The following NSMCE2 variants were observed in gnomAD, a reference collection of about 807,000 sequenced individuals.
NSMCE2 encodes NSE2 SUMO ligase component of SMC5/6 complex.
In NSMCE2, 24 loss-of-function variants were observed where a neutral mutation model predicts 23.8. That is an observed-to-expected ratio of 1.01 (90% confidence interval 0.73 to 1.42). The LOEUF is 1.42. Ranked by LOEUF, NSMCE2 falls within the 40% of genes most tolerant of loss-of-function variation. The pLI is 0.00. For missense variants in NSMCE2, 284 were observed against 296.5 expected (o/e 0.96, Z 0.31); for synonymous variants, 92 against 94.1 (o/e 0.98, Z 0.13).
chr8:125,336,414 G>A (rs983948512), intron 5 of NSMCE2, among the ~76,000 whole-genome samples: 1 of 152,190 alleles, frequency 6.6e-6, no homozygotes. Context: ...GGGGAGGCAG[G>A]ATTGTCCCAG....
At position 125,316,731 on chromosome 8, in the gene NSMCE2, T is replaced by C. The variant is rs28535909; in HGVS notation, c.419-40488T>C. Reference sequence around the variant, plus strand: ...CCTTCTTTCCTTCTTTCTTTCCTTCTTTTCCTTCCTTCCTTCCTTCCTTCC... The same window carrying C: ...CCTTCTTTCCTTCTTTCTTTCCTTCCTTTCCTTCCTTCCTTCCTTCCTTCC... On this transcript the variant is annotated intron_variant, in intron 5 of 7. Transcript: ENST00000287437. 5.9e-3 allele frequency among the ~76,000 whole-genome samples: 107 copies of C among 18,164 alleles called. 5 individuals are homozygous for C. Among genetic ancestry groups the C allele is most frequent in the Non-Finnish European group, 8.9e-3 (76 of 8,500 alleles). 11.9% of individuals were successfully genotyped at this position (18,164 alleles called of 152,430 possible).
intron 4 of NSMCE2, among the ~76,000 whole-genome samples, chr8:125,161,867 A>G (rs903336445): frequency 1.3e-5 from 2 of 151,820 alleles, no homozygotes; most frequent in African/African-American, 4.8e-5. Context: ...ATTTCCAGAC[A>G]TTCTGACTTG....
chr8:125,206,994 T>C (rs996764069), intron 5 of NSMCE2, among the ~76,000 whole-genome samples: 1 of 152,184 alleles, frequency 6.6e-6, no homozygotes, highest in Non-Finnish European at 1.5e-5. Flanking sequence ...GTTTGTCTTC[T>C]TAGTATCATG....
chr8:125,115,977 A>G (rs1247227123), intron 3 of NSMCE2, among the ~76,000 whole-genome samples: 2 of 152,190 alleles, frequency 1.3e-5, no homozygotes, highest in South Asian at 2.1e-4. Context: ...AATTGAAACA[A>G]CTTACCATAA....
intron 3 of NSMCE2, among the ~76,000 whole-genome samples, chr8:125,117,756 C>G (rs147893842): frequency 6.6e-6 from 1 of 152,184 alleles, no homozygotes; most frequent in African/African-American, 2.4e-5. Flanking sequence ...TCCCTTTTAA[C>G]TAGGTTTCCT....
intron 3 of NSMCE2, among the ~76,000 whole-genome samples, chr8:125,119,124 G>C (rs950657307): frequency 6.6e-6 from 1 of 152,118 alleles, no homozygotes; most frequent in Non-Finnish European, 1.5e-5. Context: ...AAGAGCTATT[G>C]AGAGGAAAGT....
intron 4 of NSMCE2, among the ~76,000 whole-genome samples, chr8:125,172,051 C>G (rs954043229): frequency 2.6e-5 from 4 of 152,090 alleles, no homozygotes; most frequent in Admixed American, 6.5e-5. Flanking sequence ...ATTTAATACT[C>G]AAAGGTTAAG....
At chr8:125,312,249 A>G (rs1001903241) in intron 5 of NSMCE2, among the ~76,000 whole-genome samples, 2 of 152,204 alleles carry the variant, frequency 1.3e-5, no homozygotes, top group African/African-American at 4.8e-5. Context: ...TGAAATAGAA[A>G]CATTAACATT....
intron 5 of NSMCE2, among the ~76,000 whole-genome samples, chr8:125,293,042 A>G (rs951716374): frequency 1.3e-5 from 2 of 152,226 alleles, no homozygotes; most frequent in Non-Finnish European, 2.9e-5. Flanking sequence ...GTCTGATACC[A>G]TATGCTCTTG....
chr8:125,100,432 A>C (rs1027593293), intron 1 of NSMCE2, among the ~76,000 whole-genome samples: 1 of 152,140 alleles, frequency 6.6e-6, no homozygotes, highest in Non-Finnish European at 1.5e-5. Context: ...CCAGTCAGGC[A>C]AAGTTGAGCA....
chr8:125,339,883 A>G (rs1352735219), intron 5 of NSMCE2, among the ~76,000 whole-genome samples: 1 of 152,136 alleles, frequency 6.6e-6, no homozygotes, highest in African/African-American at 2.4e-5. Context: ...TGGTCAGCAG[A>G]CATTTACTGA....
intron 4 of NSMCE2, among the ~76,000 whole-genome samples, chr8:125,167,633 CA>C (rs1334881348): frequency 2.6e-4 from 38 of 146,580 alleles, no homozygotes; most frequent in African/African-American, 1.0e-4. Context: ...GACTCAGTCT[CA>C]AAAAAAAAAT....
intron 5 of NSMCE2, among the ~76,000 whole-genome samples, chr8:125,266,001 G>A (rs1011547906): frequency 6.6e-5 from 10 of 151,792 alleles, no homozygotes; most frequent in African/African-American, 1.9e-4. Context: ...CAAAATAGTT[G>A]CCTTACTTAG....
intron 4 of NSMCE2, among the ~76,000 whole-genome samples, chr8:125,174,906 C>T (rs1822403826): frequency 6.6e-6 from 1 of 152,136 alleles, no homozygotes. Flanking sequence ...CAATAGAGTT[C>T]AGTGTAGGTT....
At chr8:125,155,673 CTG>C (rs1489492811) in intron 4 of NSMCE2, among the ~76,000 whole-genome samples, 1 of 152,156 alleles carries the variant, frequency 6.6e-6, no homozygotes, top group African/African-American at 2.4e-5. Flanking sequence ...AGTGGTAGTA[CTG>C]TGTGTTTCTG....
intron 5 of NSMCE2, among the ~76,000 whole-genome samples, chr8:125,355,219 C>T (rs112186439): frequency 0.032 from 4,900 of 152,246 alleles, 116 homozygotes; most frequent in African/African-American, 0.07. Flanking sequence ...TCTATGGAAC[C>T]GAAAGGTATG....
intron 5 of NSMCE2, among the ~76,000 whole-genome samples, chr8:125,287,710 C>T (rs755123891): frequency 1.6e-4 from 24 of 152,136 alleles, no homozygotes; most frequent in Non-Finnish European, 3.1e-4. Flanking sequence ...CTCTCCTTTC[C>T]CTGTCTTAAA....
At chr8:125,364,285 T>C (rs1337798579) in intron 7 of NSMCE2, among the ~76,000 whole-genome samples, 1 of 152,174 alleles carries the variant, frequency 6.6e-6, no homozygotes, top group Non-Finnish European at 1.5e-5. Context: ...ATTAAGCATA[T>C]TATATTTCAT....
chr8:125,332,975 C>G (rs531043316), intron 5 of NSMCE2, among the ~76,000 whole-genome samples: 109 of 152,222 alleles, frequency 7.2e-4, no homozygotes, highest in Admixed American at 3.4e-3. Flanking sequence ...AGTTTTGGAA[C>G]TTGGAAGAGA....
Sources: allele counts gnomAD v4.1 joint callset (sites outside exome capture counted in the v4.1 genomes callset), GRCh38; gene constraint gnomAD v4.1.1; transcripts MANE v1.5; gene names NCBI Gene and HGNC (gene_info 2026-07-23, HGNC 2026-07-21).